Variants in SPATA2 observed in about 807,000 individuals in gnomAD.
SPATA2 encodes spermatogenesis-associated protein 2.
SPATA2 carries 8 observed loss-of-function variants against 35.4 expected under a neutral mutation model. That is an observed-to-expected ratio of 0.23 (90% CI 0.13 to 0.41). The LOEUF (loss-of-function observed/expected upper bound fraction) is 0.41, where lower values mean the gene tolerates loss of function less well. SPATA2 is among the 10% of genes least tolerant of loss of function. SPATA2 has a pLI of 1.00. For synonymous variants in SPATA2, 293 were observed against 300.9 expected (o/e 0.97, Z 0.27); for missense variants, 650 against 698.7 (o/e 0.93, Z 0.79).
chr20:49,905,585 T>C lies in SPATA2; in HGVS notation c.*34A>G, dbSNP rs2090135642. The C allele has an allele frequency of 6.2e-7, 1 of 1,607,152 alleles. No homozygotes were observed. Among genetic ancestry groups the C allele is most frequent in the African/African-American group, 1.3e-5 (1 of 74,826 alleles). On this transcript the variant is annotated 3_prime_UTR_variant, in exon 3 of 3. Transcript: ENST00000289431. ...CCGTGAAACCCGAAAGGTCGGTTGA[T>C]GTAGCCCTTGGAGCTGGAAGGGGCG...
rs1568904494 is a variant in SPATA2, at chr20:49,903,928, T to TATATATAG, written c.*1690_*1691insCTATATAT. 3 of 133,876 alleles carry TATATATAG rather than the reference T, an allele frequency of 2.2e-5. No homozygotes were observed. In the East Asian group the frequency reaches 6.4e-4, roughly 28 times the overall value. The allele number at this position is 133,876 out of a possible 1,614,324, so 8.3% of individuals were successfully genotyped here. On this transcript the variant is annotated 3_prime_UTR_variant, in exon 3 of 3. Transcript: ENST00000289431. ...ATATATATATATATATATATATATA[T>TATATATAG]ATATATATATATATATATATATATT...
Position 49,905,940 on chromosome 20 carries a change from G to A in SPATA2, c.1242C>T (p.Pro414=), listed in dbSNP as rs1304389080. 1 of 1,610,750 alleles carries A rather than the reference G, an allele frequency of 6.2e-7. No homozygotes were observed. Among genetic ancestry groups the A allele is most frequent in the Non-Finnish European group, 8.5e-7 (1 of 1,179,930 alleles). The change falls in exon 3 of 3, where the codon CCC becomes CCT. Residue 414 remains proline (P), a synonymous_variant. Transcript: ENST00000289431. The part of the protein sequence containing the change: ...CPPASKPSAF[P]SKASTHDSLA... ...GGCTGTCATGAGTCGAGGCCTTGCTGGGGAAGGCGCTGGGCTTGGAAGCTG... is the reference window on the plus strand; with the variant it reads ...GGCTGTCATGAGTCGAGGCCTTGCTAGGGAAGGCGCTGGGCTTGGAAGCTG...
intron 1 of SPATA2, chr20:49,913,832 T>G (rs570263675): frequency 6.6e-6 from 1 of 152,184 alleles, no homozygotes. Flanking sequence ...GAATACAAGA[T>G]GCCTTGTAGC....
rs970657542 is a variant in SPATA2 at position 49,915,409 on chromosome 20, C to A, written c.-132G>T. 1 of 152,228 alleles carries A rather than the reference C, an allele frequency of 6.6e-6. No homozygotes were observed. Among genetic ancestry groups the A allele is most frequent in the Admixed American group, 6.5e-5 (1 of 15,286 alleles). The allele number at this position is 152,228 out of a possible 1,614,324, so 9.4% of individuals were successfully genotyped here. ...ACACTGCCGCCGAGGACGGCCCGGC[C>A]GAGGGAAGCAAGCGAGAGGCGCGGC... is the stretch of plus-strand genomic sequence containing the variant. On this transcript the variant is annotated 5_prime_UTR_variant, in exon 1 of 3. Transcript: ENST00000289431.
intron 1 of SPATA2, among the ~76,000 whole-genome samples, chr20:49,910,910 G>A (rs2090179030): frequency 6.6e-6 from 1 of 152,242 alleles, no homozygotes; most frequent in South Asian, 2.1e-4. Context: ...GAGGAGTACA[G>A]GAGGCAAACA....
At position 49,905,340 on chromosome 20, in the gene SPATA2, CA is replaced by C. The variant is rs1568905354; in HGVS notation, c.*278del. 2.4e-5 allele frequency: 11 copies of C among 450,184 alleles called. No individual in the cohort carries two copies. Among genetic ancestry groups the C allele is most frequent in the Non-Finnish European group, 3.5e-5 (9 of 253,536 alleles). The allele number at this position is 450,184 out of a possible 1,614,324, so 27.9% of individuals were successfully genotyped here. ...AACAAAACAAAACAAAACAAAACCC[CA>C]AAAAAAGAACCAACTGAACAGGGAG... is the stretch of plus-strand genomic sequence containing the variant. On this transcript the variant is annotated 3_prime_UTR_variant, in exon 3 of 3. Transcript: ENST00000289431.
chr20:49,907,615 G>T (rs568886965), intron 2 of SPATA2, among the ~76,000 whole-genome samples: 24 of 148,470 alleles, frequency 1.6e-4, no homozygotes, highest in Middle Eastern at 3.4e-3. Context: ...TCCTCCCATG[G>T]CAGAATGAAG....
In SPATA2 at chr20:49,908,405, G is replaced by A. The variant is rs762726975; in HGVS notation, c.86C>T (p.Thr29Ile). The A allele has an allele frequency of 6.2e-7, 1 of 1,613,982 alleles. No homozygotes were observed. The highest frequency in any genetic ancestry group is 8.5e-7 in the Non-Finnish European group (1 of 1,179,942). Reference protein sequence around the residue: ...YVQFHESKVDTTTSRQRPGSD... With the variant: ...YVQFHESKVDITTSRQRPGSD... Reference sequence around the variant, plus strand: ...GCCAGGCCGCTGCCTGCTGGTGGTGGTATCCACTTTGCTCTCATGGAACTG... The same window carrying A: ...GCCAGGCCGCTGCCTGCTGGTGGTGATATCCACTTTGCTCTCATGGAACTG... Residue 29 changes from threonine (T) to isoleucine (I), a missense_variant, in exon 2 of 3, where the codon ACC becomes ATC. Coordinates refer to ENST00000289431, the MANE Select transcript of SPATA2 (RefSeq NM_006038.4).
Position 49,906,875 on chromosome 20 carries a change from G to A in SPATA2, c.337-30C>T. The A allele has an allele frequency of 6.3e-7, 1 of 1,578,016 alleles. No homozygotes were observed. The highest frequency in any genetic ancestry group is 8.6e-7 in the Non-Finnish European group (1 of 1,160,966). On this transcript the variant is annotated intron_variant, in intron 2 of 2. Transcript: ENST00000289431. The surrounding 1 kb of genome is among the most constrained non-coding windows in gnomAD (Gnocchi z 8.2). ...AAGGGAGGGAGTAGAAAAGAAAGGTGGGGTTTTCTGTCAGAGACACAAGAC... is the reference window on the plus strand; with the variant it reads ...AAGGGAGGGAGTAGAAAAGAAAGGTAGGGTTTTCTGTCAGAGACACAAGAC...
chr20:49,911,453 C>T (rs2066341414), intron 1 of SPATA2, among the ~76,000 whole-genome samples: 1 of 151,828 alleles, frequency 6.6e-6, no homozygotes, highest in African/African-American at 2.4e-5. Flanking sequence ...TGCCTGAGCT[C>T]AGGAGTTCGA....
At position 49,908,206 on chromosome 20, in the gene SPATA2, C is replaced by G; in HGVS notation, c.285G>C (p.Val95=). 6.2e-7 allele frequency: 1 copy of G among 1,613,546 alleles called. No homozygotes were observed. Among genetic ancestry groups the G allele is most frequent in the African/African-American group, 1.3e-5 (1 of 75,018 alleles). The change falls in exon 2 of 3, where the codon GTG becomes GTC. Residue 95 remains valine (V), a synonymous_variant. Coordinates refer to ENST00000289431, the MANE Select transcript of SPATA2 (RefSeq NM_006038.4). ...ACGGGTAGAGGAAGAGGTTGATGCC[C>G]ACCGTCTCCAGCATGCTGAAGGCGC... ...LHGAFSMLET[V]GINLFLYPWK...
chr20:49,906,179 C>A lies in SPATA2; in HGVS notation c.1003G>T (p.Val335Leu). The change falls in exon 3 of 3, where the codon GTG (valine) becomes TTG (leucine). Residue 335 changes from valine to leucine, a missense_variant. Coordinates refer to ENST00000289431, the MANE Select transcript of SPATA2 (RefSeq NM_006038.4). The surrounding 1 kb of genome is among the most constrained non-coding windows in gnomAD (Gnocchi z 8.2). ...RGTYFSTQDD[V>L]DLYTDSEPRA... ...GGTTCAGAGTCTGTGTACAGATCCA[C>A]GTCATCCTGAGTGGAGAAGTAGGTA... 1.3e-6 allele frequency: 2 copies of A among 1,588,394 alleles called. No individual in the cohort carries two copies. Among genetic ancestry groups the A allele is most frequent in the Non-Finnish European group, 1.7e-6 (2 of 1,164,518 alleles).
At position 49,914,195 on chromosome 20, in the gene SPATA2, A is replaced by G. The variant is rs117127660; in HGVS notation, c.-103+1185T>C. Among the ~76,000 whole-genome samples the G allele has an allele frequency of 5.9e-4, 90 of 152,246 alleles. No homozygotes were observed. In the East Asian group the frequency reaches 0.013, roughly 23 times the overall value. On this transcript the variant is annotated intron_variant, in intron 1 of 2. Coordinates refer to ENST00000289431, the MANE Select transcript of SPATA2 (RefSeq NM_006038.4). ...AAGTCAATGGAAAAAGAGATATTGCACAGTCAGGGAGCCAGTGGCTTCTTT... is the reference window on the plus strand; with the variant it reads ...AAGTCAATGGAAAAAGAGATATTGCGCAGTCAGGGAGCCAGTGGCTTCTTT...
chr20:49,908,442 G>A lies in SPATA2; in HGVS notation c.49C>T (p.Arg17Trp), dbSNP rs77667957. 63 of 1,606,396 alleles carry A rather than the reference G, an allele frequency of 3.9e-5. No individual in the cohort carries two copies. The highest frequency in any genetic ancestry group is 6.7e-5 in the African/African-American group (5 of 74,804). Residue 17 changes from arginine to tryptophan, a missense_variant, in exon 2 of 3, where the codon CGG becomes TGG. Arg to Trp is a moderately radical substitution (Grantham distance 101, BLOSUM62 -3). Transcript: ENST00000289431. ...CTCTCATGGAACTGCACGTACTTCC[G>A]AAATAAGTCATCCTTGAATTTAGTA... ...MDTKFKDDLF[R>W]KYVQFHESKV...
chr20:49,903,920 T>G lies in SPATA2; in HGVS notation c.*1699A>C, dbSNP rs1317269360. The G allele has an allele frequency of 9.3e-3, 351 of 37,594 alleles. 8 individuals are homozygous for G. The highest frequency in any genetic ancestry group is 0.022 in the African/African-American group (324 of 14,714). 2.3% of individuals were successfully genotyped at this position (37,594 alleles called of 1,614,324 possible). ...CCAGATAGATATATATATATATATA[T>G]ATATATATATATATATATATATATA... On this transcript the variant is annotated 3_prime_UTR_variant, in exon 3 of 3. Coordinates refer to ENST00000289431, the MANE Select transcript of SPATA2 (RefSeq NM_006038.4).
intron 1 of SPATA2, chr20:49,913,766 A>G (rs1363591170): frequency 6.6e-6 from 1 of 152,258 alleles, no homozygotes; most frequent in Non-Finnish European, 1.5e-5. Context: ...GGCTGGTCAG[A>G]GACATCGGCC....
At position 49,905,607 on chromosome 20, in the gene SPATA2, G is replaced by C. The variant is rs370083864; in HGVS notation, c.*12C>G. ...TGATGTAGCCCTTGGAGCTGGAAGG[G>C]GCGAGGCCGGTCTATCTGTACACGA... On this transcript the variant is annotated 3_prime_UTR_variant, in exon 3 of 3. Transcript: ENST00000289431. 2.5e-6 allele frequency: 4 copies of C among 1,612,934 alleles called. No homozygotes were observed. In the African/African-American group the frequency reaches 5.3e-5, roughly 22 times the overall value.
At chr20:49,909,862 G>A (rs915677263) in intron 1 of SPATA2, among the ~76,000 whole-genome samples, 5 of 152,240 alleles carry the variant, frequency 3.3e-5, no homozygotes, top group East Asian at 1.9e-4. Context: ...AGTTTACAGC[G>A]AGGGGAGAGA....
At position 49,906,231 on chromosome 20, in the gene SPATA2, G is replaced by T; in HGVS notation, c.951C>A (p.Pro317=). Residue 317 remains proline, a synonymous_variant, in exon 3 of 3, where the codon CCC becomes CCA. Transcript: ENST00000289431. The surrounding 1 kb of genome is among the most constrained non-coding windows in gnomAD (Gnocchi z 8.2). ...GSPDVLPPAS[P]SNGPALLRGT... Reference sequence around the variant, plus strand: ...CGCGCAGCAGGGCCGGGCCGTTGCTGGGGGAGGCGGGTGGAAGCACATCCG... The same window carrying T: ...CGCGCAGCAGGGCCGGGCCGTTGCTTGGGGAGGCGGGTGGAAGCACATCCG... 3 of 1,568,392 alleles carry T rather than the reference G, an allele frequency of 1.9e-6. No individual in the cohort carries two copies. The highest frequency in any genetic ancestry group is 1.7e-6 in the Non-Finnish European group (2 of 1,155,656).
Sources: allele counts gnomAD v4.1 joint callset (sites outside exome capture counted in the v4.1 genomes callset), GRCh38; gene constraint gnomAD v4.1.1; non-coding constraint Gnocchi (gnomAD v3.1); transcripts MANE v1.5; gene names NCBI Gene and HGNC (gene_info 2026-07-23, HGNC 2026-07-21).